MGAT4C: variants seen among roughly 807,000 people sequenced by gnomAD.
MGAT4C encodes the protein MGAT4 family member C.
Under a neutral mutation model 40.1 loss-of-function variants are expected in MGAT4C, and 19 were observed. The ratio of observed to expected loss-of-function variants is 0.47; its 90% CI spans 0.33 to 0.70. The LOEUF is 0.70. Ranked by LOEUF, MGAT4C falls within the 30% of genes least tolerant of loss-of-function variation. The pLI, the probability that MGAT4C is intolerant of heterozygous loss-of-function variation, is 0.02. For missense variants in MGAT4C, 491 were observed against 563.2 expected (o/e 0.87, Z 1.30); for synonymous variants, 181 against 187.1 (o/e 0.97, Z 0.27).
At chr12:86,142,913 T>C (rs1042074971) in intron 1 of MGAT4C, among the ~76,000 whole-genome samples, 2 of 152,094 alleles carry the variant, frequency 1.3e-5, no homozygotes, top group Non-Finnish European at 2.9e-5. Context: ...GTCAGAAATG[T>C]GGGGACCTCA....
At chr12:86,360,094 C>T (rs555060587) in intron 3 of MGAT4C, among the ~76,000 whole-genome samples, 24 of 152,100 alleles carry the variant, frequency 1.6e-4, no homozygotes, top group Non-Finnish European at 2.9e-4. Flanking sequence ...CAATAAAATA[C>T]GGGCAAACCA....
intron 4 of MGAT4C, among the ~76,000 whole-genome samples, chr12:86,323,130 G>GT (rs931196996): frequency 2.6e-3 from 368 of 141,160 alleles, no homozygotes; most frequent in Non-Finnish European, 3.0e-3. Flanking sequence ...TTTCTTGGAA[G>GT]TTTTTTTTTT....
At position 86,542,598 on chromosome 12, in the gene MGAT4C, G is replaced by A. The variant is rs538649549; in HGVS notation, c.-228-107333C>T. Among the ~76,000 whole-genome samples, 7 of 152,260 alleles carry A rather than the reference G, an allele frequency of 4.6e-5. No homozygotes were observed. In the South Asian group the frequency reaches 1.4e-3, roughly 32 times the overall value. On this transcript the variant is annotated intron_variant, in intron 2 of 7. Transcript: ENST00000548651. ...CTTTTCCTCTCATAGTACCTTGAGA[G>A]TAGTGGCCATGCCTTTTCTTTTTTT...
intron 1 of MGAT4C, among the ~76,000 whole-genome samples, chr12:86,734,151 AG>A (rs1950951283): frequency 2.0e-5 from 3 of 152,138 alleles, no homozygotes; most frequent in Non-Finnish European, 4.4e-5. Flanking sequence ...CCTTTATAAA[AG>A]AGAAAATAAA....
intron 1 of MGAT4C, among the ~76,000 whole-genome samples, chr12:86,121,263 C>T (rs1363725970): frequency 1.3e-5 from 2 of 152,126 alleles, no homozygotes; most frequent in Admixed American, 6.6e-5. Flanking sequence ...ACCAAATCTA[C>T]GTCTGATTGG....
intron 2 of MGAT4C, among the ~76,000 whole-genome samples, chr12:86,554,112 A>G (rs966309543): frequency 8.8e-6 from 1 of 114,152 alleles, no homozygotes; most frequent in East Asian, 2.8e-4. Context: ...AACACACAGC[A>G]CGTAAACACA....
chr12:86,837,685 C>A (rs1374984983), intron 1 of MGAT4C, among the ~76,000 whole-genome samples: 1 of 152,024 alleles, frequency 6.6e-6, no homozygotes, highest in Non-Finnish European at 1.5e-5. Context: ...CCTATTCACA[C>A]AATAATAAAA....
chr12:85,958,737 T>C lies in MGAT4C; in HGVS notation c.*20552A>G, dbSNP rs1203744285. 3 of 152,072 alleles carry C rather than the reference T, an allele frequency of 2.0e-5. No homozygotes were observed. The highest frequency in any genetic ancestry group is 1.5e-5 in the Non-Finnish European group (1 of 67,990). The allele number at this position is 152,072 out of a possible 1,614,324, so 9.4% of individuals were successfully genotyped here. ...ATTATTAAAAGGGTATGATTATTTT[T>C]ACTAAAATTAATAAAAAGATTAACT... On this transcript the variant is annotated 3_prime_UTR_variant, in exon 5 of 5. Coordinates refer to ENST00000611864, the MANE Select transcript of MGAT4C (RefSeq NM_001351288.2).
chr12:86,215,116 GACCCTCTT>G (rs1401473773), intron 1 of MGAT4C, among the ~76,000 whole-genome samples: 3 of 91,912 alleles, frequency 3.3e-5, no homozygotes, highest in African/African-American at 1.0e-4. Flanking sequence ...TAATTAACAA[GACCCTCTT>G]ACAATGCTTC....
At chr12:86,638,381 T>C (rs1316002489) in intron 2 of MGAT4C, among the ~76,000 whole-genome samples, 2 of 151,822 alleles carry the variant, frequency 1.3e-5, no homozygotes, top group Non-Finnish European at 2.9e-5. Flanking sequence ...ATGGACTGAA[T>C]GTCTGTGCTC....
chr12:86,736,606 C>G (rs1425404164), intron 1 of MGAT4C, among the ~76,000 whole-genome samples: 1 of 151,710 alleles, frequency 6.6e-6, no homozygotes, highest in Non-Finnish European at 1.5e-5. Flanking sequence ...GACTGACTCT[C>G]CTTTAAGATC....
At chr12:86,692,801 T>G (rs1042491492) in intron 2 of MGAT4C, among the ~76,000 whole-genome samples, 1 of 152,192 alleles carries the variant, frequency 6.6e-6, no homozygotes, top group Non-Finnish European at 1.5e-5. Flanking sequence ...GAGGATAGTC[T>G]TTTTGATGAA....
chr12:86,497,572 T>C (rs1176693769), intron 2 of MGAT4C, among the ~76,000 whole-genome samples: 1 of 151,798 alleles, frequency 6.6e-6, no homozygotes, highest in Non-Finnish European at 1.5e-5. Flanking sequence ...ACAGTAAAGC[T>C]AGAAGCTATA....
At chr12:86,415,035 C>A (rs560554257) in intron 3 of MGAT4C, among the ~76,000 whole-genome samples, 1 of 152,032 alleles carries the variant, frequency 6.6e-6, no homozygotes, top group Non-Finnish European at 1.5e-5. Context: ...ACAAACCTCT[C>A]CTTTTTAAAC....
intron 1 of MGAT4C, among the ~76,000 whole-genome samples, chr12:86,159,641 T>C (rs61929470): frequency 0.085 from 12,858 of 152,108 alleles, 646 homozygotes; most frequent in Middle Eastern, 0.22. Context: ...AATTTGGCTG[T>C]AAATTCACCT....
intron 1 of MGAT4C, among the ~76,000 whole-genome samples, chr12:86,770,905 A>G (rs1951621685): frequency 6.6e-6 from 1 of 152,094 alleles, no homozygotes; most frequent in Admixed American, 6.6e-5. Flanking sequence ...TGTGGGTTGA[A>G]TTGTGTCTCC....
intron 1 of MGAT4C, among the ~76,000 whole-genome samples, chr12:86,744,551 G>A (rs868213064): frequency 1.7e-4 from 26 of 151,460 alleles, no homozygotes; most frequent in South Asian, 1.7e-3. Context: ...TTGGTTTAAT[G>A]GATTGAAGCA....
intron 2 of MGAT4C, among the ~76,000 whole-genome samples, chr12:86,643,584 A>T (rs1220958699): frequency 1.3e-5 from 2 of 151,888 alleles, no homozygotes; most frequent in South Asian, 4.1e-4. Flanking sequence ...GAAACAAGCT[A>T]CACACAAAAG....
intron 1 of MGAT4C, among the ~76,000 whole-genome samples, chr12:86,244,012 C>T (rs1429220803): frequency 1.3e-5 from 2 of 152,126 alleles, no homozygotes; most frequent in Non-Finnish European, 2.9e-5. Flanking sequence ...GGCTATGCTG[C>T]TGCTGGTGGT....
Sources: allele counts gnomAD v4.1 joint callset (sites outside exome capture counted in the v4.1 genomes callset), GRCh38; gene constraint gnomAD v4.1.1; transcripts MANE v1.5; gene names NCBI Gene and HGNC (gene_info 2026-07-23, HGNC 2026-07-21).